The following NEDD4L variants were observed in gnomAD, a reference collection of about 807,000 sequenced individuals.
The protein encoded by NEDD4L is E3 ubiquitin-protein ligase NEDD4-like.
A neutral mutation model predicts 148.9 loss-of-function variants in NEDD4L; 54 were observed. That is an observed-to-expected ratio of 0.36 (90% CI 0.29 to 0.45). The LOEUF (loss-of-function observed/expected upper bound fraction) is 0.45. Ranked by LOEUF, NEDD4L falls within the 20% of genes least tolerant of loss-of-function variation. The pLI is 1.00. For synonymous variants in NEDD4L, 433 were observed against 440.7 expected, an observed-to-expected ratio of 0.98 and a Z score of 0.22; for missense variants, 856 against 1,233.8, an observed-to-expected ratio of 0.69 and a Z score of 4.59.
chr18:58,148,217 A>G (rs1352710413), intron 1 of NEDD4L, among the ~76,000 whole-genome samples: 1 of 151,142 alleles, frequency 6.6e-6, no homozygotes, highest in African/African-American at 2.4e-5. Context: ...CCAGGCAGGA[A>G]TGCAGTGGTG....
chr18:58,083,568 G>A (rs909380794), intron 1 of NEDD4L, among the ~76,000 whole-genome samples: 1 of 152,050 alleles, frequency 6.6e-6, no homozygotes, highest in Non-Finnish European at 1.5e-5. Flanking sequence ...GGTGCCTGTA[G>A]TTCCAGCTAC....
intron 2 of NEDD4L, among the ~76,000 whole-genome samples, chr18:58,200,977 T>A (rs1407599267): frequency 6.6e-6 from 1 of 152,238 alleles, no homozygotes; most frequent in Non-Finnish European, 1.5e-5. Context: ...GGACTAAGGT[T>A]GTCTTTGTTG....
intron 1 of NEDD4L, among the ~76,000 whole-genome samples, chr18:58,068,624 AG>A (rs1316681549): frequency 6.6e-6 from 1 of 152,214 alleles, no homozygotes; most frequent in South Asian, 2.1e-4. Context: ...GAGGAAGGAA[AG>A]AATATGATTT....
intron 1 of NEDD4L, among the ~76,000 whole-genome samples, chr18:58,064,422 G>A (rs1005157941): frequency 1.3e-5 from 2 of 152,136 alleles, no homozygotes; most frequent in African/African-American, 2.4e-5. Flanking sequence ...TGATTTTAAT[G>A]TGACAGGTGA....
intron 2 of NEDD4L, among the ~76,000 whole-genome samples, chr18:58,232,890 C>T (rs568350759): frequency 6.6e-6 from 1 of 152,124 alleles, no homozygotes; most frequent in Non-Finnish European, 1.5e-5. Context: ...CACAGGTAGG[C>T]GTGTGTTTTG....
chr18:58,255,346 A>G (rs2048383710), intron 5 of NEDD4L: 1 of 336,462 alleles, frequency 3.0e-6, no homozygotes, highest in African/African-American at 2.1e-5. Flanking sequence ...AGTAGGGGAA[A>G]ACTCCTCTAA....
chr18:58,375,093 T>G (rs1435154036), intron 24 of NEDD4L, among the ~76,000 whole-genome samples: 1 of 152,002 alleles, frequency 6.6e-6, no homozygotes, highest in East Asian at 1.9e-4. Context: ...ACCTGACACT[T>G]GGGCATCCCC....
intron 1 of NEDD4L, among the ~76,000 whole-genome samples, chr18:58,141,564 A>G (rs1023144845): frequency 4.6e-5 from 7 of 152,120 alleles, no homozygotes; most frequent in Non-Finnish European, 8.8e-5. Context: ...TTCTGAAAGC[A>G]GGCCTTGAAT....
At chr18:58,242,920 A>G (rs142918066) in intron 2 of NEDD4L, among the ~76,000 whole-genome samples, 41 of 152,318 alleles carry the variant, frequency 2.7e-4, no homozygotes, top group Non-Finnish European at 5.0e-4. Context: ...TCGATCTTCC[A>G]TAGAGTTGAT....
intron 1 of NEDD4L, among the ~76,000 whole-genome samples, chr18:58,082,662 C>T (rs2083528494): frequency 6.6e-6 from 1 of 151,388 alleles, no homozygotes; most frequent in South Asian, 2.1e-4. Context: ...GTCCCATCTA[C>T]TTGAGCGTCT....
In NEDD4L at chr18:58,072,006, A is replaced by G. The variant is rs190038250; in HGVS notation, c.48+27298A>G. 2.6e-5 allele frequency among the ~76,000 whole-genome samples: 4 copies of G among 152,316 alleles called. No homozygotes were observed. In the East Asian group the frequency reaches 7.7e-4, roughly 29 times the overall value. On this transcript the variant is annotated intron_variant, in intron 1 of 30. Transcript: ENST00000400345. ...ACAGAGCCAAACCATATCAAGTTGTATGCCAACAAATTAGGTAACCTAAAT... is the reference window on the plus strand; with the variant it reads ...ACAGAGCCAAACCATATCAAGTTGTGTGCCAACAAATTAGGTAACCTAAAT...
intron 2 of NEDD4L, among the ~76,000 whole-genome samples, chr18:58,175,687 T>A (rs1452570510): frequency 3.3e-5 from 5 of 152,256 alleles, no homozygotes; most frequent in Admixed American, 6.5e-5. Flanking sequence ...GATCTAACTC[T>A]TAGGCTGTTT....
chr18:58,105,687 T>C (rs2085028435), intron 1 of NEDD4L, among the ~76,000 whole-genome samples: 1 of 152,226 alleles, frequency 6.6e-6, no homozygotes, highest in Non-Finnish European at 1.5e-5. Flanking sequence ...GCTCATGGTC[T>C]GATATCACGA....
intron 5 of NEDD4L, among the ~76,000 whole-genome samples, chr18:58,272,976 A>T (rs1198835287): frequency 6.6e-6 from 1 of 152,186 alleles, no homozygotes; most frequent in African/African-American, 2.4e-5. Context: ...GGCCTACTTG[A>T]AGAGAGGTAA....
chr18:58,312,800 C>A (rs1162034895), intron 5 of NEDD4L, among the ~76,000 whole-genome samples: 1 of 152,242 alleles, frequency 6.6e-6, no homozygotes, highest in Non-Finnish European at 1.5e-5. Context: ...CCTGCCTCAA[C>A]CTCCCAAGTA....
chr18:58,215,682 G>T (rs2043088810), intron 2 of NEDD4L, among the ~76,000 whole-genome samples: 1 of 151,624 alleles, frequency 6.6e-6, no homozygotes, highest in African/African-American at 2.4e-5. Flanking sequence ...CACTCTAATT[G>T]TGAAAATTAT....
chr18:58,115,245 CTT>C (rs60541981), intron 1 of NEDD4L, among the ~76,000 whole-genome samples: 83 of 129,520 alleles, frequency 6.4e-4, no homozygotes, highest in African/African-American at 2.3e-3. Context: ...TTCTTTCTTT[CTT>C]TTTTTTTTTT....
intron 17 of NEDD4L, among the ~76,000 whole-genome samples, 174 bp downstream of exon 17, chr18:58,349,788 T>C (rs2043635799): frequency 6.6e-6 from 1 of 152,224 alleles, no homozygotes; most frequent in South Asian, 2.1e-4. Context: ...ACATTATAGT[T>C]CATGTGATAT....
intron 1 of NEDD4L, among the ~76,000 whole-genome samples, chr18:58,106,544 G>A (rs1366668933): frequency 2.0e-5 from 3 of 152,114 alleles, no homozygotes; most frequent in Admixed American, 2.0e-4. Context: ...TCTCAGATGT[G>A]CCTTTGGGCA....
Sources: gnomAD v4.1 joint callset for allele counts (sites outside exome capture counted in the v4.1 genomes callset) on GRCh38, gnomAD v4.1.1 for gene constraint, MANE v1.5 for transcripts, NCBI Gene and HGNC (gene_info 2026-07-23, HGNC 2026-07-21) for gene names.